CCSER1: variants seen among roughly 807,000 people sequenced by gnomAD.
The protein encoded by CCSER1 is serine-rich coiled-coil domain-containing protein 1.
A neutral mutation model predicts 82.0 loss-of-function variants in CCSER1; 41 were observed. The observed-to-expected ratio is 0.50, with a 90% CI of 0.39 to 0.65. The LOEUF is 0.65. Among genes scored for constraint, CCSER1 ranks in the 30% least tolerant of loss-of-function variants. The probability of loss-of-function intolerance (pLI) is 0.00; values close to 1 mark genes in which losing one functional copy is unlikely to be tolerated. For missense variants in CCSER1, 1,119 were observed against 1,064.2 expected, an observed-to-expected ratio of 1.05 and a Z score of -0.72; for synonymous variants, 414 against 383.9, an observed-to-expected ratio of 1.08 and a Z score of -0.92.
At position 91,151,424 on chromosome 4, in the gene CCSER1, C is replaced by T. The variant is rs148479349; in HGVS notation, c.2217+65430C>T. On this transcript the variant is annotated intron_variant, in intron 10 of 10. Coordinates refer to ENST00000509176, the MANE Select transcript of CCSER1 (RefSeq NM_001145065.2). Reference sequence around the variant, plus strand: ...GTTGATCTTTTCAAAAAACCAGCTCCTGGATTCATTGATTTTTTGAAGGGT... The same window carrying T: ...GTTGATCTTTTCAAAAAACCAGCTCTTGGATTCATTGATTTTTTGAAGGGT... Among the ~76,000 whole-genome samples the T allele has an allele frequency of 5.8e-3, 877 of 152,198 alleles. 12 individuals carry two copies. The highest frequency in any genetic ancestry group is 0.02 in the African/African-American group (819 of 41,530).
At chr4:91,423,425 C>T (rs115104426) in intron 10 of CCSER1, among the ~76,000 whole-genome samples, 2,717 of 150,538 alleles carry the variant, frequency 0.018, 70 homozygotes, top group African/African-American at 0.062. Context: ...TGTGAAACTC[C>T]GTCTAAAAAA....
chr4:90,935,019 CAT>C (rs905669913), intron 9 of CCSER1, among the ~76,000 whole-genome samples: 3 of 151,518 alleles, frequency 2.0e-5, no homozygotes, highest in Non-Finnish European at 2.9e-5. Context: ...ATATGAAATG[CAT>C]ATATATATGT....
intron 4 of CCSER1, among the ~76,000 whole-genome samples, chr4:90,459,763 GTT>G (rs1762643164): frequency 6.6e-6 from 1 of 152,000 alleles, no homozygotes; most frequent in South Asian, 2.1e-4. Flanking sequence ...TTCATAATTT[GTT>G]TTACTTTACA....
intron 9 of CCSER1, among the ~76,000 whole-genome samples, chr4:91,004,474 TCTTTTC>T (rs1738327802): frequency 6.6e-6 from 1 of 152,258 alleles, no homozygotes; most frequent in Non-Finnish European, 1.5e-5. Flanking sequence ...AATAATTTCA[TCTTTTC>T]CTTAATGAAA....
chr4:90,287,781 G>T (rs1730174996), intron 1 of CCSER1, among the ~76,000 whole-genome samples: 1 of 151,752 alleles, frequency 6.6e-6, no homozygotes, highest in African/African-American at 2.4e-5. Flanking sequence ...ATATGAAAAA[G>T]AAATTACTTA....
At chr4:91,128,265 A>G (rs563759948) in intron 10 of CCSER1, among the ~76,000 whole-genome samples, 1 of 152,080 alleles carries the variant, frequency 6.6e-6, no homozygotes, top group South Asian at 2.1e-4. Context: ...AACTAAACCC[A>G]TTACACCCTC....
At chr4:90,188,017 G>A (rs1014532777) in intron 1 of CCSER1, among the ~76,000 whole-genome samples, 5 of 151,892 alleles carry the variant, frequency 3.3e-5, no homozygotes, top group Admixed American at 2.0e-4. Context: ...TTCCTACCAC[G>A]TATATTCATT....
At chr4:90,845,816 A>G (rs996419897) in intron 8 of CCSER1, among the ~76,000 whole-genome samples, 3 of 152,024 alleles carry the variant, frequency 2.0e-5, no homozygotes, top group Non-Finnish European at 4.4e-5. Context: ...TGAAAAAAAA[A>G]AAAACCAGAT....
chr4:90,940,015 C>G (rs1196922614), intron 9 of CCSER1, among the ~76,000 whole-genome samples: 2 of 152,048 alleles, frequency 1.3e-5, no homozygotes, highest in African/African-American at 4.8e-5. Context: ...AAGCACTCCC[C>G]TGATAAAGGT....
chr4:90,196,359 A>G (rs1286446844), intron 1 of CCSER1, among the ~76,000 whole-genome samples: 2 of 152,050 alleles, frequency 1.3e-5, no homozygotes, highest in African/African-American at 4.8e-5. Context: ...ACTTCCAGAT[A>G]GTGGGATACT....
At chr4:90,182,757 T>C (rs913912502) in intron 1 of CCSER1, among the ~76,000 whole-genome samples, 1 of 152,132 alleles carries the variant, frequency 6.6e-6, no homozygotes, top group Non-Finnish European at 1.5e-5. Context: ...ATATTACACC[T>C]AACACTTTGA....
At chr4:91,087,436 T>A (rs966679415) in intron 10 of CCSER1, among the ~76,000 whole-genome samples, 2 of 152,150 alleles carry the variant, frequency 1.3e-5, no homozygotes, top group Non-Finnish European at 2.9e-5. Flanking sequence ...AGAGTGGCTC[T>A]TAAATCATAT....
intron 10 of CCSER1, among the ~76,000 whole-genome samples, chr4:91,469,034 A>T (rs548348934): frequency 1.2e-3 from 186 of 152,312 alleles, no homozygotes; most frequent in African/African-American, 4.4e-3. Flanking sequence ...TTATTAGAAA[A>T]GTGAAAAGAA....
intron 7 of CCSER1, chr4:90,781,709 T>C: frequency 1.0e-6 from 1 of 970,090 alleles, no homozygotes; most frequent in South Asian, 4.8e-5. Flanking sequence ...ATATCTGCAA[T>C]TTTCCCAGTT....
At chr4:90,861,980 G>A (rs1207286768) in intron 8 of CCSER1, among the ~76,000 whole-genome samples, 1 of 148,798 alleles carries the variant, frequency 6.7e-6, no homozygotes. Flanking sequence ...GGTGGGATTG[G>A]AGTGGTAGGA....
At chr4:91,079,449 G>C (rs1443084943) in intron 9 of CCSER1, among the ~76,000 whole-genome samples, 1 of 152,126 alleles carries the variant, frequency 6.6e-6, no homozygotes, top group African/African-American at 2.4e-5. Context: ...AGGAACATCT[G>C]GTACCAGCCA....
rs554347617 is a variant in CCSER1 at position 90,867,246 on chromosome 4, C to T, written c.2094+51401C>T. Among the ~76,000 whole-genome samples the T allele has an allele frequency of 6.1e-4, 93 of 152,126 alleles. 1 individual carries two copies. The highest frequency in any genetic ancestry group is 2.1e-3 in the African/African-American group (86 of 41,530). On this transcript the variant is annotated intron_variant, in intron 8 of 10. Transcript: ENST00000509176. The stretch of plus-strand genomic sequence containing the variant: ...CTGAGTAAACTTATTTCTATCCACT[C>T]ACTGTCAGGCACAGTACACTCTTAA...
chr4:91,130,545 T>C (rs922874757), intron 10 of CCSER1, among the ~76,000 whole-genome samples: 1 of 151,900 alleles, frequency 6.6e-6, no homozygotes, highest in Non-Finnish European at 1.5e-5. Context: ...TCCTCTCTTA[T>C]ATAGCCTTTC....
chr4:91,468,246 G>T (rs979899622), intron 10 of CCSER1, among the ~76,000 whole-genome samples: 1 of 152,008 alleles, frequency 6.6e-6, no homozygotes, highest in Non-Finnish European at 1.5e-5. Flanking sequence ...GCAAACTATC[G>T]CAAGGACAAA....
Sources: gnomAD v4.1 joint callset for allele counts (sites outside exome capture counted in the v4.1 genomes callset) on GRCh38, gnomAD v4.1.1 for gene constraint, MANE v1.5 for transcripts, NCBI Gene and HGNC (gene_info 2026-07-23, HGNC 2026-07-21) for gene names.